The following MTMR4 variants were observed in gnomAD, a reference collection of about 807,000 sequenced individuals.
MTMR4 encodes phosphatidylinositol-3,5-bisphosphate 3-phosphatase MTMR4.
MTMR4 carries 30 observed loss-of-function variants against 125.5 expected under a neutral mutation model. That is an observed-to-expected ratio of 0.24 (90% CI 0.18 to 0.32). MTMR4 has a LOEUF of 0.32. MTMR4 is among the 10% of genes least tolerant of loss of function. The pLI, the probability that MTMR4 is intolerant of heterozygous loss-of-function variation, is 1.00. For synonymous variants in MTMR4, 498 were observed against 564.5 expected, an observed-to-expected ratio of 0.88 and a Z score of 1.67; for missense variants, 1,039 against 1,511.5, an observed-to-expected ratio of 0.69 and a Z score of 5.18.
chr17:58,503,632 A>G, intron 14 of MTMR4, 112 bp downstream of exon 14: 1 of 1,367,016 alleles, frequency 7.3e-7, no homozygotes, highest in Non-Finnish European at 9.9e-7. Flanking sequence ...CCTGGGCGAC[A>G]AAGTGAGATT....
intron 4 of MTMR4, among the ~76,000 whole-genome samples, chr17:58,509,190 C>G (rs1975860875): frequency 6.6e-6 from 1 of 151,892 alleles, no homozygotes; most frequent in Non-Finnish European, 1.5e-5. Context: ...CCCATGACTC[C>G]CTAACTCAAA....
At chr17:58,492,994 T>A in intron 15 of MTMR4, 42 bp from the exon 16 acceptor site, 1 of 1,495,114 alleles carries the variant, frequency 6.7e-7, no homozygotes, top group Non-Finnish European at 9.3e-7. Flanking sequence ...TCATCATCAT[T>A]AACGCTTACT....
Position 58,508,341 on chromosome 17 carries a change from A to G in MTMR4, c.594-67T>C. 2 of 1,562,916 alleles carry G rather than the reference A, an allele frequency of 1.3e-6. No homozygotes were observed. Among genetic ancestry groups the G allele is most frequent in the South Asian group, 1.1e-5 (1 of 89,900 alleles). ...ACATGTGATGACAGGATCCCTGGGG[A>G]TGGCTTTGTGGGAAGAGAAACCATG... On this transcript the variant is annotated intron_variant, in intron 6 of 17. Transcript: ENST00000682306. The surrounding 1 kb of genome is among the most constrained non-coding windows in gnomAD (Gnocchi z 4.8).
chr17:58,504,501 A>C lies in MTMR4; in HGVS notation c.1342-13T>G, dbSNP rs1300539068. The C allele has an allele frequency of 6.2e-7, 1 of 1,609,430 alleles. No individual in the cohort carries two copies. Among genetic ancestry groups the C allele is most frequent in the Middle Eastern group, 1.8e-4 (1 of 5,406 alleles). ...ACACTTGGAAGCCCTGCAAAAAAAGAAACTGTTCAAACATAGGGCCTCTCT... is the reference window on the plus strand; with the variant it reads ...ACACTTGGAAGCCCTGCAAAAAAAGCAACTGTTCAAACATAGGGCCTCTCT... On this transcript the variant is annotated splice_polypyrimidine_tract_variant and intron_variant, in intron 11 of 17. Coordinates refer to ENST00000682306, the MANE Select transcript of MTMR4 (RefSeq NM_001378067.1). This position sits in a 1 kb window ranked among gnomAD's most constrained non-coding sequence, Gnocchi z 7.1.
upstream of MTMR4, among the ~76,000 whole-genome samples, chr17:58,518,336 T>A (rs1166636903): frequency 6.6e-6 from 1 of 152,194 alleles, no homozygotes; most frequent in Non-Finnish European, 1.5e-5. Flanking sequence ...AGGTCCCCAG[T>A]GGCACCTCAG....
rs369882489 is a variant in MTMR4 at position 58,495,506 on chromosome 17, C to T, written c.2678G>A (p.Arg893His). Reference protein sequence around the residue: ...NRNGQLLENPRFGKMPLELVR... With the variant: ...NRNGQLLENPHFGKMPLELVR... ...CAATTCCAATGGCATTTTCCCAAAG[C>T]GAGGATTTTCCAATAACTGCCCATT... Residue 893 changes from arginine (R) to histidine (H), a missense_variant, in exon 15 of 18, where the codon CGC (arginine) becomes CAC (histidine). Coordinates refer to ENST00000682306, the MANE Select transcript of MTMR4 (RefSeq NM_001378067.1). 9 of 1,614,208 alleles carry T rather than the reference C, an allele frequency of 5.6e-6. No homozygotes were observed. In the Admixed American group the frequency reaches 1.0e-4, roughly 18 times the overall value.
In MTMR4 at chr17:58,504,725, AC is replaced by A; in HGVS notation, c.1341+53del. ...CCAGGACAGATCCAGAGGGCTCAAC[AC>A]CTTCCCTCCTGCCACATTCCTTCTG... On this transcript the variant is annotated intron_variant, in intron 11 of 17. Transcript: ENST00000682306. This position sits in a 1 kb window ranked among gnomAD's most constrained non-coding sequence, Gnocchi z 7.1. The A allele has an allele frequency of 6.5e-7, 1 of 1,543,982 alleles. No individual in the cohort carries two copies. The highest frequency in any genetic ancestry group is 8.8e-7 in the Non-Finnish European group (1 of 1,136,358).
chr17:58,493,213 A>G (rs1028898961), intron 15 of MTMR4, among the ~76,000 whole-genome samples: 1 of 152,278 alleles, frequency 6.6e-6, no homozygotes, highest in African/African-American at 2.4e-5. Context: ...ACACCACAGC[A>G]TAGAAAGACT....
chr17:58,496,811 C>G (rs1389110251), intron 14 of MTMR4, among the ~76,000 whole-genome samples: 2 of 152,324 alleles, frequency 1.3e-5, no homozygotes, highest in African/African-American at 4.8e-5. Context: ...GTAAATTAAC[C>G]TCTCAGATAC....
In MTMR4 at chr17:58,496,105, C is replaced by A. The variant is rs201604653; in HGVS notation, c.2079G>T (p.Leu693=). Residue 693 remains leucine, a synonymous_variant, in exon 15 of 18, where the codon CTG becomes CTT. Coordinates refer to ENST00000682306, the MANE Select transcript of MTMR4 (RefSeq NM_001378067.1). ...TCAAGTAGTCTTTCTGGCTGCTGGG[C>A]AGAGGAGGAGGAAGACCCACTTCTC... ...TVGEVGLPPP[L]PSSQKDYLSN... is the part of the protein sequence containing the mutation. 2 of 1,614,164 alleles carry A rather than the reference C, an allele frequency of 1.2e-6. No individual in the cohort carries two copies. The highest frequency in any genetic ancestry group is 1.7e-6 in the Non-Finnish European group (2 of 1,180,032).
intron 9 of MTMR4, 151 bp from the exon 10 acceptor site, chr17:58,505,734 C>G: frequency 2.2e-6 from 1 of 450,920 alleles, no homozygotes. Context: ...ACAGTGAAAC[C>G]CCATCTCTAC....
chr17:58,501,091 A>C (rs1056249242), intron 14 of MTMR4, among the ~76,000 whole-genome samples: 2 of 152,184 alleles, frequency 1.3e-5, no homozygotes, highest in Non-Finnish European at 2.9e-5. Context: ...AAATCCTGAA[A>C]CCTATCACGG....
Position 58,504,271 on chromosome 17 carries a change from C to T in MTMR4, c.1527+32G>A, listed in dbSNP as rs1488328468. 1.2e-6 allele frequency: 2 copies of T among 1,606,002 alleles called. No individual in the cohort carries two copies. Among genetic ancestry groups the T allele is most frequent in the African/African-American group, 2.7e-5 (2 of 74,886 alleles). On this transcript the variant is annotated intron_variant, in intron 12 of 17. Coordinates refer to ENST00000682306, the MANE Select transcript of MTMR4 (RefSeq NM_001378067.1). This position sits in a 1 kb window ranked among gnomAD's most constrained non-coding sequence, Gnocchi z 7.1. ...TGGGGGCCTCGGGCTGTCATTCCCC[C>T]CATCCCTGTTGTCACAGGCCTTAGG...
rs1410601854 is a variant in MTMR4 at position 58,514,363 on chromosome 17, G to A, written c.45C>T (p.Phe15=). Residue 15 remains phenylalanine (F), a splice_region_variant and synonymous_variant, in exon 1 of 18, where the codon TTC becomes TTT. Transcript: ENST00000682306. ...CCCCAAAGGCAGGGTGGGCACTTACGAAGCAGCTAAGCATGGAGCAGGAGA... is the reference window on the plus strand; with the variant it reads ...CCCCAAAGGCAGGGTGGGCACTTACAAAGCAGCTAAGCATGGAGCAGGAGA... ...ARVSCSMLSC[F]GEEGPPSLEY... 7 of 987,942 alleles carry A rather than the reference G, an allele frequency of 7.1e-6. No individual in the cohort carries two copies. Among genetic ancestry groups the A allele is most frequent in the Non-Finnish European group, 7.2e-6 (6 of 830,928 alleles). The allele number at this position is 987,942 out of a possible 1,614,324, so 61.2% of individuals were successfully genotyped here.
chr17:58,511,264 G>T lies in MTMR4; in HGVS notation c.335+165C>A, dbSNP rs535689637. The T allele has an allele frequency of 1.7e-5, 10 of 595,478 alleles. No individual in the cohort carries two copies. The South Asian group carries it at 2.3e-4, about 14-fold the overall frequency. The allele number at this position is 595,478 out of a possible 1,614,324, so 36.9% of individuals were successfully genotyped here. Reference sequence around the variant, plus strand: ...CATTTTTTCAGGTCAAGATCCTATGGGTCAGTAAACTGACCTCCCAACCCA... The same window carrying T: ...CATTTTTTCAGGTCAAGATCCTATGTGTCAGTAAACTGACCTCCCAACCCA... On this transcript the variant is annotated intron_variant, in intron 4 of 17. Transcript: ENST00000682306.
In MTMR4 at chr17:58,491,539, T is replaced by C; in HGVS notation, c.*124A>G. The C allele has an allele frequency of 1.0e-6, 1 of 999,852 alleles. No individual in the cohort carries two copies. Among genetic ancestry groups the C allele is most frequent in the Non-Finnish European group, 1.5e-6 (1 of 687,622 alleles). 61.9% of individuals were successfully genotyped at this position (999,852 alleles called of 1,614,324 possible). ...TCCAGTTTCATGATACCAAGGAGGA[T>C]TTCTCAAGATGGTATCTCTGAGCTC... On this transcript the variant is annotated 3_prime_UTR_variant, in exon 18 of 18. Transcript: ENST00000682306.
chr17:58,510,615 G>A (rs1476355728), intron 4 of MTMR4: 1 of 152,104 alleles, frequency 6.6e-6, no homozygotes, highest in East Asian at 1.9e-4. Context: ...TGGGACTACA[G>A]GCATGCATCA....
At chr17:58,506,926 T>C in intron 8 of MTMR4, 55 bp from the exon 9 acceptor site, 1 of 1,587,014 alleles carries the variant, frequency 6.3e-7, no homozygotes, top group Non-Finnish European at 8.6e-7. Context: ...AACCTCTTGC[T>C]GGCCCTCTGG....
intron 15 of MTMR4, 109 bp from the exon 16 acceptor site, chr17:58,493,061 A>T (rs1975356664): frequency 1.3e-6 from 1 of 784,154 alleles, no homozygotes; most frequent in Non-Finnish European, 2.1e-6. Context: ...CTTATTTCTT[A>T]TGACAGTCTT....
Sources: gnomAD v4.1 joint callset for allele counts (sites outside exome capture counted in the v4.1 genomes callset) on GRCh38, gnomAD v4.1.1 for gene constraint, Gnocchi (gnomAD v3.1) non-coding constraint, MANE v1.5 for transcripts, NCBI Gene and HGNC (gene_info 2026-07-23, HGNC 2026-07-21) for gene names.